Variants in CCN6 observed in about 807,000 individuals in gnomAD.
CCN6 encodes CCN family member 6.
A neutral mutation model predicts 37.4 loss-of-function variants in CCN6; 31 were observed. The ratio of observed to expected loss-of-function variants is 0.83; its 90% CI spans 0.62 to 1.12. The LOEUF is 1.12. Among genes scored for constraint, CCN6 ranks in the 50% most tolerant of loss-of-function variants. CCN6 has a pLI of 0.00. For synonymous variants in CCN6, 137 were observed against 142.1 expected, an observed-to-expected ratio of 0.96 and a Z score of 0.26; for missense variants, 369 against 413.8, an observed-to-expected ratio of 0.89 and a Z score of 0.94.
chr6:112,059,417 G>C (rs1776443286), intron 1 of CCN6, among the ~76,000 whole-genome samples: 1 of 152,152 alleles, frequency 6.6e-6, no homozygotes, highest in South Asian at 2.1e-4. Context: ...TTCTTTGCCT[G>C]TTCCAGCTTT....
At position 112,054,577 on chromosome 6, in the gene CCN6, G is replaced by T. The variant is rs1159988733; in HGVS notation, c.48+172G>T. On this transcript the variant is annotated intron_variant, in intron 1 of 4. Coordinates refer to ENST00000368666, the MANE Select transcript of CCN6 (RefSeq NM_198239.2). ...TCTTTCCAAATAAAGTTCTGTGTTC[G>T]TTCATGAGCTTCATGAAAGAAATGT... is the stretch of plus-strand genomic sequence containing the variant. 4 of 657,506 alleles carry T rather than the reference G, an allele frequency of 6.1e-6. 1 individual carries two copies. The East Asian group carries it at 1.1e-4, about 18-fold the overall frequency. 40.7% of individuals were successfully genotyped at this position (657,506 alleles called of 1,614,324 possible). A position where few individuals can be genotyped will look rare whatever the true frequency, so the allele number is the denominator to read the frequency against.
intron 2 of CCN6, among the ~76,000 whole-genome samples, chr6:112,064,252 C>T (rs1188520048): frequency 6.6e-6 from 1 of 152,218 alleles, no homozygotes; most frequent in East Asian, 1.9e-4. Context: ...GAGGACCACA[C>T]TTGGGGAACA....
At chr6:112,060,290 C>G (rs1776475393) in intron 1 of CCN6, among the ~76,000 whole-genome samples, 1 of 152,118 alleles carries the variant, frequency 6.6e-6, no homozygotes, top group African/African-American at 2.4e-5. Context: ...GGTGAACACT[C>G]AGGAGGCTAT....
intron 1 of CCN6, among the ~76,000 whole-genome samples, chr6:112,059,441 G>A (rs1056002544): frequency 9.2e-5 from 14 of 152,096 alleles, no homozygotes; most frequent in African/African-American, 3.4e-4. Flanking sequence ...AGGCTGTCTG[G>A]CTTCCTTGGA....
chr6:112,064,630 A>G, intron 2 of CCN6, 125 bp from the exon 3 acceptor site: 1 of 1,476,444 alleles, frequency 6.8e-7, no homozygotes, highest in Non-Finnish European at 9.4e-7. Context: ...TCCAAATGGA[A>G]CCTAAGAGGT....
chr6:112,059,552 G>T (rs1173394449), intron 1 of CCN6, among the ~76,000 whole-genome samples: 1 of 152,144 alleles, frequency 6.6e-6, no homozygotes, highest in Non-Finnish European at 1.5e-5. Context: ...CAATGTACTT[G>T]TGATTACCTT....
chr6:112,054,345 C>A lies in CCN6; in HGVS notation c.-13C>A. On this transcript the variant is annotated 5_prime_UTR_variant, in exon 1 of 5. Transcript: ENST00000368666. ...TTCTCTACCCCTCAGGGTGGCTCCA[C>A]GGTCCCAGCGACATGCAGGGGCTCC... is the stretch of plus-strand genomic sequence containing the variant. The A allele has an allele frequency of 6.2e-7, 1 of 1,613,872 alleles. No individual in the cohort carries two copies. Among genetic ancestry groups the A allele is most frequent in the Non-Finnish European group, 8.5e-7 (1 of 1,180,010 alleles).
At chr6:112,056,212 CAG>C (rs1776344225) in intron 1 of CCN6, among the ~76,000 whole-genome samples, 1 of 152,166 alleles carries the variant, frequency 6.6e-6, no homozygotes, top group African/African-American at 2.4e-5. Flanking sequence ...ACTATCATAA[CAG>C]AAGATCTTCA....
chr6:112,061,028 C>T lies in CCN6; in HGVS notation c.86C>T (p.Thr29Ile), dbSNP rs1554312699. ...CRVQGTGPLD[T>I]TPEGRPGEVS... is the part of the protein sequence containing the mutation. ...GTACAGGGCACTGGACCATTAGATA[C>T]AACACCTGAAGGAAGGCCTGGAGAA... Residue 29 changes from threonine (T) to isoleucine (I), a missense_variant, in exon 2 of 5, where the codon ACA becomes ATA. Transcript: ENST00000368666. 6 of 1,614,128 alleles carry T rather than the reference C, an allele frequency of 3.7e-6. No homozygotes were observed. Among genetic ancestry groups the T allele is most frequent in the Middle Eastern group, 1.7e-4 (1 of 6,058 alleles).
chr6:112,064,541 C>A (rs1554313474), intron 2 of CCN6, among the ~76,000 whole-genome samples: 1 of 152,078 alleles, frequency 6.6e-6, no homozygotes, highest in Non-Finnish European at 1.5e-5. Context: ...TGGAAGTGAC[C>A]ATGTGGGGTT....
At position 112,065,904 on chromosome 6, in the gene CCN6, C is replaced by T. The variant is rs140495612; in HGVS notation, c.589+907C>T. 4.5e-3 allele frequency among the ~76,000 whole-genome samples: 678 copies of T among 152,276 alleles called. 1 individual carries two copies. The highest frequency in any genetic ancestry group is 0.02 in the Middle Eastern group (6 of 294). ...AGGAGGGACTCAAAAGGGGCAACAT[C>T]GAAGTCTGGTTCTTGTTCACATCTC... On this transcript the variant is annotated intron_variant, in intron 3 of 4. Coordinates refer to ENST00000368666, the MANE Select transcript of CCN6 (RefSeq NM_198239.2).
intron 1 of CCN6, among the ~76,000 whole-genome samples, chr6:112,058,845 AG>A (rs1776424286): frequency 6.6e-6 from 1 of 152,212 alleles, no homozygotes; most frequent in Non-Finnish European, 1.5e-5. Context: ...AGGGAGAGGA[AG>A]AAATCCAGAT....
chr6:112,065,116 T>C, intron 3 of CCN6, 119 bp downstream of exon 3: 1 of 1,464,642 alleles, frequency 6.8e-7, no homozygotes, highest in African/African-American at 1.4e-5. Context: ...TGAGATATAG[T>C]TTGAGTGTAT....
rs2114469534 is a variant in CCN6 at position 112,068,344 on chromosome 6, GAA to G, written c.732_733del (p.Arg245ThrfsTer33). ...ACAGCAACTGTGAAATGAGAAAAGA[GAA>G]AAGACTGTGTTACATTCAGCCTTGC... ...ENSNCEMRKE[K>X]RLCYIQPCDS... On this transcript the variant is annotated frameshift_variant, in exon 4 of 5. Transcript: ENST00000368666. LOFTEE classifies it high-confidence loss of function. 2.5e-6 allele frequency: 4 copies of G among 1,613,130 alleles called. No individual in the cohort carries two copies. Among genetic ancestry groups the G allele is most frequent in the Non-Finnish European group, 3.4e-6 (4 of 1,179,476 alleles).
intron 1 of CCN6, 97 bp downstream of exon 1, chr6:112,054,502 G>A (rs587699978): frequency 1.7e-6 from 2 of 1,151,700 alleles, no homozygotes; most frequent in South Asian, 2.5e-5. Context: ...GAGGAAGAGG[G>A]AGGATCAATG....
At chr6:112,066,943 A>G (rs1776713635) in intron 3 of CCN6, 1 of 1,364,182 alleles carries the variant, frequency 7.3e-7, no homozygotes, top group Non-Finnish European at 9.8e-7. Context: ...TAACACGGTA[A>G]TCTAACCTGC....
intron 2 of CCN6, among the ~76,000 whole-genome samples, chr6:112,062,707 G>C (rs587718261): frequency 1.6e-3 from 243 of 152,326 alleles, no homozygotes; most frequent in Admixed American, 3.3e-3. Context: ...GTCTTTGGCT[G>C]CTTTGCAATG....
In CCN6 at chr6:112,059,896, A is replaced by G; in HGVS notation, c.49-1095A>G. ...AACTGAAATGTGTAGGTAATAAGAA[A>G]GGTGGTAAACTCTACGGTGAAAGGA... On this transcript the variant is annotated intron_variant, in intron 1 of 4. Transcript: ENST00000368666. 2.4e-6 allele frequency: 3 copies of G among 1,247,550 alleles called. No individual in the cohort carries two copies. In the Admixed American group the frequency reaches 7.5e-5, roughly 31 times the overall value. The allele number at this position is 1,247,550 out of a possible 1,614,324, so 77.3% of individuals were successfully genotyped here.
At chr6:112,059,304 A>T (rs1242125823) in intron 1 of CCN6, among the ~76,000 whole-genome samples, 1 of 152,212 alleles carries the variant, frequency 6.6e-6, no homozygotes. Context: ...CAACATGATT[A>T]TCTACAGTTC....
Sources: allele counts gnomAD v4.1 joint callset (sites outside exome capture counted in the v4.1 genomes callset), GRCh38; gene constraint gnomAD v4.1.1; transcripts MANE v1.5; gene names NCBI Gene and HGNC (gene_info 2026-07-23, HGNC 2026-07-21).